ANO4: variants seen among roughly 807,000 people sequenced by gnomAD.
ANO4 encodes anoctamin-4.
Under a neutral mutation model 141.9 loss-of-function variants are expected in ANO4, and 69 were observed. The observed-to-expected ratio is 0.49, with a 90% CI of 0.40 to 0.59. ANO4 has a LOEUF of 0.59. Ranked by LOEUF, ANO4 falls within the 20% of genes least tolerant of loss-of-function variation. ANO4 has a pLI of 0.00. For missense variants in ANO4, 894 were observed against 1,162.2 expected (o/e 0.77, Z 3.36); for synonymous variants, 350 against 394.3 (o/e 0.89, Z 1.33).
intron 26 of ANO4, among the ~76,000 whole-genome samples, chr12:101,126,580 C>T (rs192460534): frequency 6.9e-4 from 105 of 152,300 alleles, no homozygotes; most frequent in African/African-American, 2.4e-3. Flanking sequence ...GTGAAAGCTA[C>T]CAGCTTCAAC....
At chr12:100,770,530 A>G (rs931236036) in intron 3 of ANO4, among the ~76,000 whole-genome samples, 1 of 152,254 alleles carries the variant, frequency 6.6e-6, no homozygotes, top group Non-Finnish European at 1.5e-5. Context: ...GGAAAAGGTT[A>G]TAGAAACCAA....
At chr12:100,885,507 G>A (rs1303362618) in intron 1 of ANO4, 1 of 152,238 alleles carries the variant, frequency 6.6e-6, no homozygotes, top group East Asian at 1.9e-4. Context: ...GGCTGTCTGG[G>A]TTCAAAGCTA....
chr12:100,901,778 C>A lies in ANO4; in HGVS notation c.-8C>A. 1 of 1,613,756 alleles carries A rather than the reference C, an allele frequency of 6.2e-7. No individual in the cohort carries two copies. Among genetic ancestry groups the A allele is most frequent in the South Asian group, 1.1e-5 (1 of 91,040 alleles). On this transcript the variant is annotated 5_prime_UTR_variant, in exon 2 of 28. Coordinates refer to ENST00000392977, the MANE Select transcript of ANO4 (RefSeq NM_001286615.2). Reference sequence around the variant, plus strand: ...TCCTCACTCCCACCAGGCAGAAGGTCAATAAAAATGGAGGCAAGCTCTTCT... The same window carrying A: ...TCCTCACTCCCACCAGGCAGAAGGTAAATAAAAATGGAGGCAAGCTCTTCT...
At chr12:100,960,525 C>A (rs557016632) in intron 5 of ANO4, among the ~76,000 whole-genome samples, 19 of 152,000 alleles carry the variant, frequency 1.3e-4, no homozygotes, top group African/African-American at 4.6e-4. Context: ...GATGTCATAA[C>A]CCTTCCCAAG....
At chr12:100,917,585 T>C (rs147618233) in intron 2 of ANO4, among the ~76,000 whole-genome samples, 1 of 152,348 alleles carries the variant, frequency 6.6e-6, no homozygotes, top group East Asian at 1.9e-4. Context: ...GTGGAGATTG[T>C]CATCTTTGAA....
chr12:101,079,331 AC>A (rs34514121), intron 15 of ANO4, 56 bp downstream of exon 15: 494,394 of 1,302,862 alleles, frequency 0.38, 100,232 homozygotes, highest in East Asian at 0.77. Context: ...GAACCACACG[AC>A]CCCCCCCCAA....
chr12:100,780,985 C>T (rs1369629183), intron 3 of ANO4, among the ~76,000 whole-genome samples: 1 of 152,114 alleles, frequency 6.6e-6, no homozygotes, highest in Non-Finnish European at 1.5e-5. Context: ...ATTTGCCTGC[C>T]TAGCAAACAA....
At chr12:100,888,683 G>C (rs2039956949) in intron 1 of ANO4, among the ~76,000 whole-genome samples, 1 of 152,196 alleles carries the variant, frequency 6.6e-6, no homozygotes, top group African/African-American at 2.4e-5. Context: ...CCAGGACACA[G>C]AACAGGTGGA....
intron 1 of ANO4, among the ~76,000 whole-genome samples, chr12:100,827,137 T>C (rs1442366678): frequency 6.6e-6 from 1 of 152,060 alleles, no homozygotes; most frequent in Non-Finnish European, 1.5e-5. Flanking sequence ...TTTAGTCAGA[T>C]AGTAAAAGAC....
chr12:100,742,040 A>G (rs748766959), intron 3 of ANO4, among the ~76,000 whole-genome samples: 20 of 152,126 alleles, frequency 1.3e-4, no homozygotes, highest in Admixed American at 3.3e-4. Flanking sequence ...GTTTTCACAA[A>G]CAAAAGCCTA....
rs568087623 is a variant in ANO4, at chr12:100,914,302, C to T, written c.56-7924C>T. On this transcript the variant is annotated intron_variant, in intron 2 of 27. Transcript: ENST00000392977. ...CATTTTAGACCTGAGAAATATCTGC[C>T]TGCTGTTAGCCAAATGTGGTTCTCC... Among the ~76,000 whole-genome samples, 15 of 152,320 alleles carry T rather than the reference C, an allele frequency of 9.8e-5. No individual in the cohort carries two copies. The South Asian group carries it at 3.1e-3, about 32-fold the overall frequency.
At chr12:100,932,968 C>T (rs890777334) in intron 3 of ANO4, among the ~76,000 whole-genome samples, 3 of 152,044 alleles carry the variant, frequency 2.0e-5, no homozygotes, top group Non-Finnish European at 4.4e-5. Context: ...CCTTGCCTTC[C>T]CAAATGCATG....
At chr12:101,065,918 C>T (rs115693497) in intron 14 of ANO4, among the ~76,000 whole-genome samples, 1,628 of 152,208 alleles carry the variant, frequency 0.011, 28 homozygotes, top group African/African-American at 0.037. Flanking sequence ...TCATTATAAC[C>T]AGGTGGGATT....
At chr12:100,989,823 G>A (rs1366871288) in intron 8 of ANO4, among the ~76,000 whole-genome samples, 1 of 147,340 alleles carries the variant, frequency 6.8e-6, no homozygotes, top group Non-Finnish European at 1.5e-5. Flanking sequence ...AGTGTATATG[G>A]ATAGGTCACT....
rs2048808286 is a variant in ANO4 at position 101,071,487 on chromosome 12, A to G, written c.1313-7706A>G. Among the ~76,000 whole-genome samples, 3 of 152,138 alleles carry G rather than the reference A, an allele frequency of 2.0e-5. No homozygotes were observed. In the South Asian group the frequency reaches 6.2e-4, roughly 32 times the overall value. ...TTTGTGAGATCCAAAAGTGAAAACA[A>G]TTGAACTCATGGAGGTAGAGAATAG... On this transcript the variant is annotated intron_variant, in intron 14 of 27. Transcript: ENST00000392977.
Position 101,111,580 on chromosome 12 carries a change from C to T in ANO4, c.2320C>T (p.Leu774Phe). The T allele has an allele frequency of 1.2e-6, 2 of 1,607,150 alleles. No homozygotes were observed. The highest frequency in any genetic ancestry group is 1.7e-6 in the Non-Finnish European group (2 of 1,176,944). The change falls in exon 24 of 28, where the codon CTT becomes TTT. Residue 774 changes from leucine (L) to phenylalanine (F), a missense_variant. By Grantham distance (22) the Leu-to-Phe change is conservative (BLOSUM62 0). This residue lies in a region of ANO4 where 637 missense variants were observed against 909.2 expected (regional missense o/e 0.70). Transcript: ENST00000392977. Reference sequence around the variant, plus strand: ...TTGAATAGGAATTTGGTATGGAATTCTTGAAGGCATTGGAATTCTCTCTGT... The same window carrying T: ...TTGAATAGGAATTTGGTATGGAATTTTTGAAGGCATTGGAATTCTCTCTGT... The part of the protein sequence containing the change: ...AKDIGIWYGI[L>F]EGIGILSVIT...
chr12:100,850,725 AAAG>A (rs143016510), intron 1 of ANO4, among the ~76,000 whole-genome samples: 92,156 of 151,416 alleles, frequency 0.61, 28,205 homozygotes, highest in East Asian at 0.68. Context: ...TTTGAAAAGG[AAAG>A]AAAATGTTTC....
chr12:100,719,810 C>G (rs893500700), intron 1 of ANO4, among the ~76,000 whole-genome samples: 1 of 152,124 alleles, frequency 6.6e-6, no homozygotes, highest in African/African-American at 2.4e-5. Context: ...GCATTTTGAT[C>G]CTGCTCTTTT....
At chr12:100,994,750 G>A (rs1183394074) in intron 8 of ANO4, among the ~76,000 whole-genome samples, 1 of 152,174 alleles carries the variant, frequency 6.6e-6, no homozygotes, top group African/African-American at 2.4e-5. Context: ...TTCCATACCA[G>A]TTGTTGCTCT....
Sources: gnomAD v4.1 joint callset for allele counts (sites outside exome capture counted in the v4.1 genomes callset) on GRCh38, gnomAD v4.1.1 for gene constraint, gnomAD v4.1.1 regional missense constraint, MANE v1.5 for transcripts, NCBI Gene and HGNC (gene_info 2026-07-23, HGNC 2026-07-21) for gene names.